TENM3: variants seen among roughly 807,000 people sequenced by gnomAD.
The protein encoded by TENM3 is teneurin-3.
A neutral mutation model predicts 255.1 loss-of-function variants in TENM3; 63 were observed. That is an observed-to-expected ratio of 0.25 (90% CI 0.20 to 0.30). The LOEUF is 0.30. TENM3 is among the 10% of genes least tolerant of loss of function. TENM3 has a pLI of 1.00. For missense variants in TENM3, 2,929 were observed against 3,461.1 expected, an observed-to-expected ratio of 0.85 and a Z score of 3.86; for synonymous variants, 1,306 against 1,322.3, an observed-to-expected ratio of 0.99 and a Z score of 0.27.
chr4:181,593,320 TG>T, the TENM3 span, among the ~76,000 whole-genome samples: 1 of 152,216 alleles, frequency 6.6e-6, no homozygotes, highest in African/African-American at 2.4e-5. Flanking sequence ...AAACTGGCCA[TG>T]TGCTGGAAAT....
chr4:181,493,901 A>C, the TENM3 span, among the ~76,000 whole-genome samples: 1,363 of 152,214 alleles, frequency 9.0e-3, 17 homozygotes, highest in South Asian at 0.033. Context: ...ATTTACCATA[A>C]CAACAATAAG....
At chr4:182,362,133 G>T (rs933533506) in intron 3 of TENM3, among the ~76,000 whole-genome samples, 3 of 152,204 alleles carry the variant, frequency 2.0e-5, no homozygotes, top group Non-Finnish European at 4.4e-5. Context: ...CCCTACTGGG[G>T]GGTGCCTCCC....
chr4:181,719,811 G>T, the TENM3 span, among the ~76,000 whole-genome samples: 2 of 152,170 alleles, frequency 1.3e-5, no homozygotes, highest in Non-Finnish European at 2.9e-5. Flanking sequence ...ATGATGCCTT[G>T]ATGCTCGTTA....
rs535788111 is a variant in TENM3, at chr4:182,342,811, A to T, written c.233-3840A>T. Reference sequence around the variant, plus strand: ...CTCTGAGACTAGTCCCTCGGGTAGAATCTGTTTCTCATACAAGAGATAGTA... The same window carrying T: ...CTCTGAGACTAGTCCCTCGGGTAGATTCTGTTTCTCATACAAGAGATAGTA... On this transcript the variant is annotated intron_variant, in intron 2 of 27. Coordinates refer to ENST00000511685, the MANE Select transcript of TENM3 (RefSeq NM_001080477.4). Among the ~76,000 whole-genome samples the T allele has an allele frequency of 2.1e-3, 318 of 152,268 alleles. 2 individuals carry two copies. The highest frequency in any genetic ancestry group is 7.5e-3 in the African/African-American group (311 of 41,554).
intron 3 of TENM3, among the ~76,000 whole-genome samples, chr4:182,359,145 A>T (rs1000546600): frequency 6.6e-6 from 1 of 152,102 alleles, no homozygotes; most frequent in Admixed American, 6.6e-5. Flanking sequence ...GGATTTTTGC[A>T]TCAATGTTCA....
chr4:181,648,511 A>G, the TENM3 span, among the ~76,000 whole-genome samples: 1 of 152,224 alleles, frequency 6.6e-6, no homozygotes, highest in Non-Finnish European at 1.5e-5. Flanking sequence ...TGTGCTATGA[A>G]AACTCTCATG....
the TENM3 span, among the ~76,000 whole-genome samples, chr4:182,072,443 AG>A: frequency 6.6e-6 from 1 of 152,190 alleles, no homozygotes; most frequent in Non-Finnish European, 1.5e-5. Context: ...CAGCCTCCAA[AG>A]GGTAGGCAGT....
Position 182,161,934 on chromosome 4 carries a change from CAT to C in TENM3, c.-76+17189_-76+17190del, listed in dbSNP as rs1294739154. On this transcript the variant is annotated intron_variant, in intron 1 of 2. Transcript: ENST00000512480. Reference sequence around the variant, plus strand: ...ACACATGTATGTGTATATATATACACATATATATATTTGTGTGTGTGTGTGTA... The same window carrying C: ...ACACATGTATGTGTATATATATACACATATATATTTGTGTGTGTGTGTGTA... Among the ~76,000 whole-genome samples, 27 of 89,478 alleles carry C rather than the reference CAT, an allele frequency of 3.0e-4. 7 individuals carry two copies. The South Asian group carries it at 6.1e-3, about 20-fold the overall frequency. 58.7% of individuals were successfully genotyped at this position (89,478 alleles called of 152,430 possible).
At chr4:181,451,504 A>C in the TENM3 span, among the ~76,000 whole-genome samples, 1 of 152,170 alleles carries the variant, frequency 6.6e-6, no homozygotes, top group Non-Finnish European at 1.5e-5. Flanking sequence ...AATAGAACAG[A>C]TGTAGAAAGG....
chr4:181,541,401 A>T, the TENM3 span, among the ~76,000 whole-genome samples: 1 of 151,942 alleles, frequency 6.6e-6, no homozygotes, highest in African/African-American at 2.4e-5. Context: ...AAAATTAAAA[A>T]GTTCAAAATC....
At chr4:181,870,572 T>C in the TENM3 span, among the ~76,000 whole-genome samples, 1 of 152,172 alleles carries the variant, frequency 6.6e-6, no homozygotes, top group African/African-American at 2.4e-5. Context: ...TAGCCATTCA[T>C]GAGTCTGCCT....
the TENM3 span, among the ~76,000 whole-genome samples, chr4:181,528,052 C>T: frequency 4.0e-5 from 6 of 151,420 alleles, no homozygotes; most frequent in South Asian, 2.1e-4. Context: ...CTGTGTAAGG[C>T]GTAAATCCTT....
chr4:181,796,254 C>T, the TENM3 span, among the ~76,000 whole-genome samples: 1 of 152,242 alleles, frequency 6.6e-6, no homozygotes, highest in East Asian at 1.9e-4. Context: ...ATTAGACAGC[C>T]ACTAGGTCTC....
chr4:182,312,433 G>A (rs1762507811), intron 1 of TENM3, among the ~76,000 whole-genome samples: 1 of 152,186 alleles, frequency 6.6e-6, no homozygotes, highest in African/African-American at 2.4e-5. Context: ...TGCCTGGCAT[G>A]TCCACTGAGG....
At chr4:182,246,613 A>T (rs1402360934) in intron 1 of TENM3, among the ~76,000 whole-genome samples, 1 of 152,240 alleles carries the variant, frequency 6.6e-6, no homozygotes, top group Non-Finnish European at 1.5e-5. Flanking sequence ...TCTCGTCCGT[A>T]TGTGACAAAG....
At chr4:182,719,551 G>T (rs114338312) in intron 13 of TENM3, among the ~76,000 whole-genome samples, 1 of 151,832 alleles carries the variant, frequency 6.6e-6, no homozygotes, top group Non-Finnish European at 1.5e-5. Context: ...GAACCACTGC[G>T]CCTGGCCTAG....
chr4:182,686,648 CTTCA>C, intron 11 of TENM3, among the ~76,000 whole-genome samples: 1 of 152,236 alleles, frequency 6.6e-6, no homozygotes, highest in Non-Finnish European at 1.5e-5. Flanking sequence ...TTTCCTCTAT[CTTCA>C]ACAGCAGTTT....
the TENM3 span, among the ~76,000 whole-genome samples, chr4:181,569,281 T>C: frequency 6.6e-6 from 1 of 152,198 alleles, no homozygotes; most frequent in South Asian, 2.1e-4. Flanking sequence ...ACCACGTCCT[T>C]GTTTAAGCTT....
At chr4:182,167,698 C>T (rs1751811817) in intron 1 of TENM3, among the ~76,000 whole-genome samples, 1 of 152,124 alleles carries the variant, frequency 6.6e-6, no homozygotes, top group East Asian at 1.9e-4. Context: ...CATGGTGAAA[C>T]CCCGTCTCTA....
Sources: gnomAD v4.1 joint callset for allele counts (sites outside exome capture counted in the v4.1 genomes callset) on GRCh38, gnomAD v4.1.1 for gene constraint, MANE v1.5 for transcripts, NCBI Gene and HGNC (gene_info 2026-07-23, HGNC 2026-07-21) for gene names.